Variants in MRTFB observed in about 807,000 individuals in gnomAD.
MRTFB encodes the protein myocardin-related transcription factor B.
A neutral mutation model predicts 104.2 loss-of-function variants in MRTFB; 29 were observed. That is an observed-to-expected ratio of 0.28 (90% CI 0.21 to 0.38). The LOEUF (loss-of-function observed/expected upper bound fraction) is 0.38, where lower values mean the gene tolerates loss of function less well. MRTFB is among the 10% of genes least tolerant of loss of function. MRTFB has a pLI of 1.00. For missense variants in MRTFB, 1,270 were observed against 1,341.6 expected (o/e 0.95, Z 0.83); for synonymous variants, 535 against 519.5 (o/e 1.03, Z -0.41).
intron 1 of MRTFB, among the ~76,000 whole-genome samples, chr16:14,076,220 C>G (rs904176563): frequency 6.6e-6 from 1 of 151,806 alleles, no homozygotes; most frequent in Non-Finnish European, 1.5e-5. Flanking sequence ...GAGACAGAAT[C>G]TCACTCTGTC....
At chr16:14,015,437 A>G in the MRTFB span, among the ~76,000 whole-genome samples, 1 of 152,092 alleles carries the variant, frequency 6.6e-6, no homozygotes, top group Middle Eastern at 3.2e-3. Context: ...AGGAGTTATC[A>G]TTACTCAGAA....
the MRTFB span, among the ~76,000 whole-genome samples, chr16:14,049,449 C>T: frequency 6.6e-6 from 1 of 152,294 alleles, no homozygotes; most frequent in East Asian, 1.9e-4. Flanking sequence ...AGCTTGGATT[C>T]TCTTTGCTAA....
chr16:14,033,993 T>A, the MRTFB span, among the ~76,000 whole-genome samples: 28 of 152,276 alleles, frequency 1.8e-4, no homozygotes, highest in Middle Eastern at 0.014. Context: ...GCCCGCTGTG[T>A]GTGGCTATGA....
the MRTFB span, among the ~76,000 whole-genome samples, chr16:13,998,275 G>A: frequency 6.6e-6 from 1 of 152,186 alleles, no homozygotes; most frequent in Non-Finnish European, 1.5e-5. Flanking sequence ...CTACCTCGGG[G>A]TAGATCTGTG....
intron 3 of MRTFB, among the ~76,000 whole-genome samples, chr16:14,188,433 GATGTCACAACAGCA>G (rs566319908): frequency 1.9e-3 from 288 of 152,220 alleles, no homozygotes; most frequent in African/African-American, 4.9e-3. Context: ...GAAATAAAAA[GATGTCACAACAGCA>G]ATGGGATTAA....
At chr16:14,142,201 G>C (rs1446964181) in intron 3 of MRTFB, 1 of 150,202 alleles carries the variant, frequency 6.7e-6, no homozygotes, top group African/African-American at 2.5e-5. Context: ...GGATGCTGTG[G>C]TTAACTCACT....
chr16:14,107,364 C>A (rs2036036091), intron 2 of MRTFB, among the ~76,000 whole-genome samples: 1 of 152,190 alleles, frequency 6.6e-6, no homozygotes, highest in Non-Finnish European at 1.5e-5. Context: ...CCATTCACGC[C>A]TAGAATCTCT....
chr16:14,151,731 C>G (rs1465791994), intron 3 of MRTFB: 2 of 152,202 alleles, frequency 1.3e-5, no homozygotes, highest in African/African-American at 4.8e-5. Flanking sequence ...TGAAGTTCAT[C>G]TCTTGTTGGT....
the MRTFB span, among the ~76,000 whole-genome samples, chr16:14,004,001 C>T: frequency 6.6e-6 from 1 of 152,020 alleles, no homozygotes; most frequent in Non-Finnish European, 1.5e-5. Context: ...CAAGCAGGGT[C>T]CATAATGCGG....
upstream of MRTFB, among the ~76,000 whole-genome samples, chr16:14,067,296 A>G (rs907835783): frequency 4.8e-5 from 7 of 144,564 alleles, no homozygotes. Flanking sequence ...ATCTCTGCTC[A>G]CTGCCAGCCT....
At chr16:14,052,241 A>G in the MRTFB span, among the ~76,000 whole-genome samples, 50,383 of 152,046 alleles carry the variant, frequency 0.33, 11,812 homozygotes, top group African/African-American at 0.67. Flanking sequence ...CAGTGGTGGT[A>G]TAGACAAGGA....
At chr16:14,201,915 A>T (rs189587142) in intron 3 of MRTFB, among the ~76,000 whole-genome samples, 277 of 152,310 alleles carry the variant, frequency 1.8e-3, no homozygotes, top group Middle Eastern at 6.8e-3. Context: ...CCAATCTACA[A>T]ACTATTGTAG....
intron 8 of MRTFB, among the ~76,000 whole-genome samples, chr16:14,221,697 A>C (rs764068805): frequency 6.6e-6 from 1 of 151,300 alleles, no homozygotes; most frequent in Non-Finnish European, 1.5e-5. Context: ...TAAGAGTTTG[A>C]TGGTAAATTT....
the MRTFB span, among the ~76,000 whole-genome samples, chr16:14,030,283 G>A: frequency 2.0e-5 from 3 of 152,110 alleles, no homozygotes; most frequent in African/African-American, 7.2e-5. Flanking sequence ...CACAAACAGG[G>A]GCAAAGCAGC....
At chr16:14,227,379 A>G (rs947605436) in intron 8 of MRTFB, among the ~76,000 whole-genome samples, 1 of 151,998 alleles carries the variant, frequency 6.6e-6, no homozygotes, top group African/African-American at 2.4e-5. Context: ...CACTGGCTCC[A>G]TTTCCCCTCC....
intron 3 of MRTFB, among the ~76,000 whole-genome samples, chr16:14,149,061 CTTGT>C (rs1378553955): frequency 6.6e-6 from 1 of 152,114 alleles, no homozygotes; most frequent in Non-Finnish European, 1.5e-5. Flanking sequence ...GAGTAATTGA[CTTGT>C]TTGTTATTCT....
At chr16:14,259,100 A>G (rs529262101) in intron 16 of MRTFB, among the ~76,000 whole-genome samples, 8 of 152,328 alleles carry the variant, frequency 5.3e-5, no homozygotes, top group African/African-American at 1.9e-4. Flanking sequence ...CTACACACAC[A>G]AATAGTATTT....
At chr16:14,174,139 A>G (rs1347670171) in intron 3 of MRTFB, among the ~76,000 whole-genome samples, 2 of 152,158 alleles carry the variant, frequency 1.3e-5, no homozygotes, top group Non-Finnish European at 2.9e-5. Flanking sequence ...CATCAGTGCA[A>G]TGATTAGTTC....
intron 2 of MRTFB, among the ~76,000 whole-genome samples, chr16:14,139,602 C>A (rs966824025): frequency 1.3e-5 from 2 of 152,156 alleles, no homozygotes; most frequent in Non-Finnish European, 2.9e-5. Context: ...TGGGTAAATA[C>A]AATCTTGGTA....
Sources: allele counts gnomAD v4.1 joint callset (sites outside exome capture counted in the v4.1 genomes callset), GRCh38; gene constraint gnomAD v4.1.1; transcripts MANE v1.5; gene names NCBI Gene and HGNC (gene_info 2026-07-23, HGNC 2026-07-21).